Variants in EBF1 observed in about 807,000 individuals in gnomAD.
The protein encoded by EBF1 is transcription factor COE1.
Under a neutral mutation model 68.4 loss-of-function variants are expected in EBF1, and 10 were observed. That is an observed-to-expected ratio of 0.15 (90% CI 0.09 to 0.25). EBF1 has a LOEUF of 0.25. Ranked by LOEUF, EBF1 falls within the 10% of genes least tolerant of loss-of-function variation. The pLI, the probability that EBF1 is intolerant of heterozygous loss-of-function variation, is 1.00. For missense variants in EBF1, 509 were observed against 794.4 expected (o/e 0.64, Z 4.32); for synonymous variants, 298 against 299.8 (o/e 0.99, Z 0.06).
intron 6 of EBF1, among the ~76,000 whole-genome samples, chr5:158,966,567 C>T (rs772426450): frequency 2.4e-4 from 36 of 152,256 alleles, no homozygotes; most frequent in Non-Finnish European, 5.0e-4. Flanking sequence ...ATAAATGATT[C>T]ACCCCGACAA....
chr5:159,069,900 G>A (rs1777515275), intron 6 of EBF1, among the ~76,000 whole-genome samples: 1 of 152,166 alleles, frequency 6.6e-6, no homozygotes, highest in Admixed American at 6.5e-5. Flanking sequence ...GATATCCAAT[G>A]TGGTAATAAA....
intron 8 of EBF1, among the ~76,000 whole-genome samples, chr5:158,806,650 A>G (rs1781640942): frequency 6.6e-6 from 1 of 152,184 alleles, no homozygotes; most frequent in African/African-American, 2.4e-5. Context: ...GCTTAAGATG[A>G]CTTACACTTA....
chr5:158,698,485 T>G lies in EBF1; in HGVS notation c.*626A>C, dbSNP rs1479245181. The G allele has an allele frequency of 1.8e-5, 4 of 218,810 alleles. No individual in the cohort carries two copies. Among genetic ancestry groups the G allele is most frequent in the Non-Finnish European group, 3.7e-5 (4 of 108,734 alleles). The allele number at this position is 218,810 out of a possible 1,614,324, so 13.6% of individuals were successfully genotyped here. The stretch of plus-strand genomic sequence containing the variant: ...GCTTAAGACAACAATACAAAAGAGA[T>G]AAATAAGCTTGCACTGCTAAGGGGT... On this transcript the variant is annotated 3_prime_UTR_variant, in exon 16 of 16. Transcript: ENST00000313708.
At chr5:158,891,774 ACTCTCTCTT>A (rs1387774322) in intron 6 of EBF1, among the ~76,000 whole-genome samples, 2 of 151,234 alleles carry the variant, frequency 1.3e-5, no homozygotes, top group Non-Finnish European at 2.9e-5. Context: ...TGAATGTTCA[ACTCTCTCTT>A]ACTCTATAGT....
intron 8 of EBF1, among the ~76,000 whole-genome samples, chr5:158,821,877 A>G (rs1048288625): frequency 1.2e-4 from 18 of 152,222 alleles, no homozygotes; most frequent in African/African-American, 4.3e-4. Context: ...TTACTTTAAA[A>G]AGACTGTAAA....
chr5:158,796,901 A>G (rs1348463279), intron 8 of EBF1, among the ~76,000 whole-genome samples: 1 of 152,180 alleles, frequency 6.6e-6, no homozygotes, highest in Non-Finnish European at 1.5e-5. Flanking sequence ...TTACCATCCA[A>G]TAGGAAACTA....
chr5:158,914,356 C>T (rs943153176), intron 6 of EBF1, among the ~76,000 whole-genome samples: 2 of 152,042 alleles, frequency 1.3e-5, no homozygotes, highest in African/African-American at 4.8e-5. Flanking sequence ...TCATTGCATG[C>T]GTGGTTTGTG....
intron 6 of EBF1, among the ~76,000 whole-genome samples, chr5:158,975,059 G>A (rs2127572105): frequency 6.6e-6 from 1 of 152,320 alleles, no homozygotes; most frequent in South Asian, 2.1e-4. Context: ...TCTGGTCACT[G>A]ATGAGACATT....
intron 6 of EBF1, among the ~76,000 whole-genome samples, chr5:159,015,025 G>A (rs1041642108): frequency 2.0e-5 from 3 of 152,136 alleles, no homozygotes; most frequent in Non-Finnish European, 2.9e-5. Context: ...CCTTATTTAG[G>A]CCACTCTTGT....
Position 158,888,422 on chromosome 5 carries a change from A to C in EBF1, c.555-48312T>G, listed in dbSNP as rs116464840. Among the ~76,000 whole-genome samples, 1,036 of 152,306 alleles carry C rather than the reference A, an allele frequency of 6.8e-3. 10 individuals carry two copies. Among genetic ancestry groups the C allele is most frequent in the African/African-American group, 0.024 (994 of 41,560 alleles). ...ATTGTTCTCAGAGAAAGTTGTGTAC[A>C]TTCATTCCTAAGAGGCAAGAATGTG... On this transcript the variant is annotated intron_variant, in intron 6 of 15. Coordinates refer to ENST00000313708, the MANE Select transcript of EBF1 (RefSeq NM_024007.5).
At chr5:158,777,563 A>G (rs780400726) in intron 9 of EBF1, 24 bp from the exon 10 acceptor site, 2 of 1,576,490 alleles carry the variant, frequency 1.3e-6, no homozygotes, top group South Asian at 1.2e-5. Context: ...TTGGGGGGAA[A>G]AATTGTCATT....
chr5:158,830,837 C>T lies in EBF1; in HGVS notation c.637-7520G>A, dbSNP rs552113031. On this transcript the variant is annotated intron_variant, in intron 7 of 15. Coordinates refer to ENST00000313708, the MANE Select transcript of EBF1 (RefSeq NM_024007.5). ...AACTCATTAAAAATTATGGAGGACG[C>T]GTGAACCTACAGGATGTCATGGAGT... Among the ~76,000 whole-genome samples the T allele has an allele frequency of 5.9e-5, 9 of 152,206 alleles. No individual in the cohort carries two copies. The South Asian group carries it at 1.7e-3, about 28-fold the overall frequency.
chr5:159,080,049 T>C (rs1779478318), intron 5 of EBF1, among the ~76,000 whole-genome samples: 1 of 152,138 alleles, frequency 6.6e-6, no homozygotes, highest in Admixed American at 6.5e-5. Flanking sequence ...CTCCCTCCCT[T>C]GTCAATCCCA....
chr5:158,811,366 C>T (rs1031186262), intron 8 of EBF1, among the ~76,000 whole-genome samples: 56 of 152,122 alleles, frequency 3.7e-4, no homozygotes, highest in Non-Finnish European at 1.6e-4. Context: ...TTTCTCTCCA[C>T]GTCTGAAGTC....
chr5:159,098,331 A>T (rs1783022106), intron 1 of EBF1, among the ~76,000 whole-genome samples: 1 of 152,168 alleles, frequency 6.6e-6, no homozygotes, highest in African/African-American at 2.4e-5. Context: ...GTGTCTAGGG[A>T]GCTGCGAGTG....
At chr5:158,776,483 C>T (rs1353051083) in intron 10 of EBF1, among the ~76,000 whole-genome samples, 2 of 152,130 alleles carry the variant, frequency 1.3e-5, no homozygotes, top group African/African-American at 2.4e-5. Context: ...CCCTTCACTG[C>T]TCTGTTATCT....
At chr5:159,074,937 G>A (rs1778469737) in intron 5 of EBF1, among the ~76,000 whole-genome samples, 1 of 152,180 alleles carries the variant, frequency 6.6e-6, no homozygotes, top group Non-Finnish European at 1.5e-5. Flanking sequence ...ACAAGTAGTT[G>A]AAGCAGTGGA....
chr5:158,986,705 G>A (rs1437913081), intron 6 of EBF1, among the ~76,000 whole-genome samples: 1 of 152,188 alleles, frequency 6.6e-6, no homozygotes, highest in Admixed American at 6.5e-5. Flanking sequence ...TGTGAGGTTG[G>A]GGGAAGGGGA....
intron 11 of EBF1, among the ~76,000 whole-genome samples, chr5:158,725,459 C>T (rs1762802366): frequency 1.3e-5 from 2 of 152,252 alleles, no homozygotes; most frequent in African/African-American, 4.8e-5. Context: ...CCTCCTCTCT[C>T]TTCCCCTTTG....
Sources: gnomAD v4.1 joint callset for allele counts (sites outside exome capture counted in the v4.1 genomes callset) on GRCh38, gnomAD v4.1.1 for gene constraint, MANE v1.5 for transcripts, NCBI Gene and HGNC (gene_info 2026-07-23, HGNC 2026-07-21) for gene names.